The following BCAR3 variants were observed in gnomAD, a reference collection of about 807,000 sequenced individuals.
The protein encoded by BCAR3 is BCAR3 adaptor protein, NSP family member.
Under a neutral mutation model 80.1 loss-of-function variants are expected in BCAR3, and 37 were observed. The observed-to-expected ratio is 0.46, with a 90% CI of 0.36 to 0.61. The LOEUF is 0.61. BCAR3 is among the 20% of genes least tolerant of loss of function. The pLI, the probability that BCAR3 is intolerant of heterozygous loss-of-function variation, is 0.00. For synonymous variants in BCAR3, 389 were observed against 418.9 expected (o/e 0.93, Z 0.87); for missense variants, 978 against 1,068.2 (o/e 0.92, Z 1.18).
At chr1:93,717,568 T>C (rs2101983921) in intron 2 of BCAR3, among the ~76,000 whole-genome samples, 1 of 151,516 alleles carries the variant, frequency 6.6e-6, no homozygotes, top group African/African-American at 2.4e-5. Context: ...CTACTAAAAA[T>C]ACAAAAAAAA....
chr1:93,731,953 G>A (rs1251910131), intron 2 of BCAR3, among the ~76,000 whole-genome samples: 8 of 152,214 alleles, frequency 5.3e-5, no homozygotes, highest in Non-Finnish European at 1.2e-4. Context: ...CAGAGGCCCC[G>A]TGGGTGAGGC....
At chr1:93,806,436 G>A (rs1330884120) in intron 2 of BCAR3, among the ~76,000 whole-genome samples, 1 of 152,202 alleles carries the variant, frequency 6.6e-6, no homozygotes, top group African/African-American at 2.4e-5. Flanking sequence ...AAGAACAAAG[G>A]TTGTCTTATT....
At chr1:93,847,713 ATT>A (rs147168747), upstream of BCAR3, 9 of 144,436 alleles carry the variant, frequency 6.2e-5, no homozygotes, top group African/African-American at 1.0e-4. Flanking sequence ...CATGTCTCTT[ATT>A]TTTTTTTTTT....
intron 2 of BCAR3, among the ~76,000 whole-genome samples, chr1:93,785,027 G>A (rs1652891139): frequency 6.6e-6 from 1 of 152,224 alleles, no homozygotes. Context: ...GGGCCAGCCT[G>A]GAAGGGAAGG....
intron 2 of BCAR3, among the ~76,000 whole-genome samples, chr1:93,778,420 C>T (rs149796327): frequency 2.0e-5 from 3 of 152,158 alleles, no homozygotes; most frequent in East Asian, 3.8e-4. Flanking sequence ...CAACATTAGC[C>T]TAATTACTTA....
intron 2 of BCAR3, among the ~76,000 whole-genome samples, chr1:93,651,756 C>T (rs1372461837): frequency 6.6e-6 from 1 of 152,138 alleles, no homozygotes; most frequent in Non-Finnish European, 1.5e-5. Context: ...GAGAAGTTGC[C>T]AGGTAACTCT....
chr1:93,839,802 G>A (rs1276592812), intron 2 of BCAR3, among the ~76,000 whole-genome samples: 1 of 152,178 alleles, frequency 6.6e-6, no homozygotes, highest in Non-Finnish European at 1.5e-5. Flanking sequence ...GCTAATAACA[G>A]AAGCCCAAGT....
chr1:93,681,069 G>C (rs1648738054), intron 1 of BCAR3: 1 of 152,310 alleles, frequency 6.6e-6, no homozygotes, highest in Non-Finnish European at 1.5e-5. Context: ...TACAGGGCAG[G>C]CTCCTTCGCT....
intron 2 of BCAR3, among the ~76,000 whole-genome samples, chr1:93,745,152 G>A (rs2100700831): frequency 6.6e-6 from 1 of 152,350 alleles, no homozygotes; most frequent in South Asian, 2.1e-4. Context: ...CCCAGGTGGA[G>A]CCCACCATGT....
At chr1:93,790,932 C>G (rs1653132309) in intron 2 of BCAR3, among the ~76,000 whole-genome samples, 2 of 68,974 alleles carry the variant, frequency 2.9e-5, no homozygotes. Flanking sequence ...CGATAGTTTA[C>G]TGAGAATGAT....
chr1:93,610,514 A>C (rs1197385650), intron 3 of BCAR3, among the ~76,000 whole-genome samples: 1 of 152,266 alleles, frequency 6.6e-6, no homozygotes, highest in African/African-American at 2.4e-5. Flanking sequence ...AAACAAAAAC[A>C]GTCCCACATC....
chr1:93,571,710 T>G lies in BCAR3; in HGVS notation c.1934A>C (p.Tyr645Ser). The stretch of plus-strand genomic sequence containing the variant: ...GGCTTTCATGAGAGCTGAGAAGGAA[T>G]AGAGGTCCCCCATGGAATCCTTCAG... ...VELKDSMGDL[Y>S]SFSALMKALE... The change falls in exon 9 of 12, where the codon TAT (tyrosine) becomes TCT (serine). Residue 645 changes from tyrosine to serine, a missense_variant. Physicochemically the swap from Tyr to Ser is moderately radical, Grantham distance 144 (BLOSUM62 -2). Coordinates refer to ENST00000260502, the MANE Select transcript of BCAR3 (RefSeq NM_003567.4). 1 of 1,614,126 alleles carries G rather than the reference T, an allele frequency of 6.2e-7. No homozygotes were observed. Among genetic ancestry groups the G allele is most frequent in the Non-Finnish European group, 8.5e-7 (1 of 1,180,040 alleles).
chr1:93,796,658 A>G (rs1409354491), intron 2 of BCAR3, among the ~76,000 whole-genome samples: 1 of 152,108 alleles, frequency 6.6e-6, no homozygotes, highest in East Asian at 1.9e-4. Context: ...AGCTGTTCCT[A>G]TTCGGCCATC....
At chr1:93,661,491 T>C (rs927228606) in intron 2 of BCAR3, among the ~76,000 whole-genome samples, 1 of 130,210 alleles carries the variant, frequency 7.7e-6, no homozygotes, top group Non-Finnish European at 1.7e-5. Flanking sequence ...CCAGTGTAGC[T>C]TTTTTTTTTT....
intron 5 of BCAR3, among the ~76,000 whole-genome samples, chr1:93,588,712 A>G (rs1674045767): frequency 7.7e-6 from 1 of 130,154 alleles, no homozygotes; most frequent in South Asian, 2.5e-4. Context: ...TCCCCCAGCC[A>G]TCAGACCAGC....
chr1:93,726,647 G>A (rs924055812), intron 2 of BCAR3, among the ~76,000 whole-genome samples: 4 of 152,116 alleles, frequency 2.6e-5, no homozygotes, highest in African/African-American at 9.7e-5. Context: ...TCTGGATTGT[G>A]TCTTATAGTT....
intron 3 of BCAR3, among the ~76,000 whole-genome samples, chr1:93,607,277 G>A (rs1020398908): frequency 6.6e-6 from 1 of 152,164 alleles, no homozygotes; most frequent in Admixed American, 6.5e-5. Context: ...CAGCTTCGGG[G>A]TGGAGGAAGA....
chr1:93,834,096 C>T (rs983615112), intron 2 of BCAR3, among the ~76,000 whole-genome samples: 25 of 152,152 alleles, frequency 1.6e-4, no homozygotes, highest in Non-Finnish European at 2.9e-5. Context: ...CCCTGACTTC[C>T]TGCAACATCA....
intron 2 of BCAR3, among the ~76,000 whole-genome samples, chr1:93,759,966 G>C (rs1225198882): frequency 1.3e-5 from 2 of 152,186 alleles, no homozygotes; most frequent in Non-Finnish European, 1.5e-5. Flanking sequence ...CACAGTGAAA[G>C]GTCCAGGGAT....
Sources: gnomAD v4.1 joint callset for allele counts (sites outside exome capture counted in the v4.1 genomes callset) on GRCh38, gnomAD v4.1.1 for gene constraint, MANE v1.5 for transcripts, NCBI Gene and HGNC (gene_info 2026-07-23, HGNC 2026-07-21) for gene names.